EXOC2: variants seen among roughly 807,000 people sequenced by gnomAD.
The protein encoded by EXOC2 is exocyst complex component 2.
Under a neutral mutation model 131.8 loss-of-function variants are expected in EXOC2, and 70 were observed. The observed-to-expected ratio is 0.53, with a 90% CI of 0.44 to 0.65. The LOEUF is 0.65. Ranked by LOEUF, EXOC2 falls within the 30% of genes least tolerant of loss-of-function variation. The pLI, the probability that EXOC2 is intolerant of heterozygous loss-of-function variation, is 0.00. For missense variants in EXOC2, 923 were observed against 1,108.6 expected, an observed-to-expected ratio of 0.83 and a Z score of 2.38; for synonymous variants, 411 against 398.4, an observed-to-expected ratio of 1.03 and a Z score of -0.38.
intron 4 of EXOC2, among the ~76,000 whole-genome samples, chr6:625,188 C>A (rs17135931): frequency 0.24 from 35,929 of 152,116 alleles, 4,518 homozygotes; most frequent in African/African-American, 0.31. Flanking sequence ...CAAACAGGCA[C>A]GTTCTTCACA....
intron 22 of EXOC2, among the ~76,000 whole-genome samples, chr6:536,846 C>A (rs1475418803): frequency 2.0e-5 from 3 of 152,160 alleles, no homozygotes. Context: ...TTAAACAATT[C>A]TGTTCAAAAG....
intron 23 of EXOC2, among the ~76,000 whole-genome samples, chr6:500,354 G>A (rs1763972342): frequency 6.6e-6 from 1 of 152,204 alleles, no homozygotes; most frequent in South Asian, 2.1e-4. Flanking sequence ...CAAGTTCAAT[G>A]AGCCTCACTT....
intron 13 of EXOC2, among the ~76,000 whole-genome samples, chr6:565,143 G>C (rs1412232546): frequency 6.6e-6 from 1 of 152,052 alleles, no homozygotes; most frequent in Non-Finnish European, 1.5e-5. Flanking sequence ...AAACCTTTAC[G>C]TACAATTCCC....
intron 1 of EXOC2, among the ~76,000 whole-genome samples, chr6:658,674 T>TC (rs1763274350): frequency 7.3e-6 from 1 of 137,786 alleles, no homozygotes; most frequent in Non-Finnish European, 1.6e-5. Flanking sequence ...TATTTTTTTT[T>TC]TTTTTAGACG....
rs1764054355 is a variant in EXOC2 at position 501,149 on chromosome 6, ATATATATCTATATATATTATATATATC to A, written c.2381-1476_2381-1450del. ...TATATTATATATATCTATATATATT[ATATATATCTATATATATTATATATATC>A]TATATATTATATATATCTATATATA... is the stretch of plus-strand genomic sequence containing the variant. On this transcript the variant is annotated intron_variant, in intron 23 of 27. Coordinates refer to ENST00000230449, the MANE Select transcript of EXOC2 (RefSeq NM_018303.6). 1.0e-4 allele frequency among the ~76,000 whole-genome samples: 5 copies of A among 50,122 alleles called. 1 individual carries two copies. Among genetic ancestry groups the A allele is most frequent in the African/African-American group, 3.8e-4 (5 of 13,028 alleles). The allele number at this position is 50,122 out of a possible 152,430, so 32.9% of individuals were successfully genotyped here. A position where few individuals can be genotyped will look rare whatever the true frequency, so the allele number is the denominator to read the frequency against.
At chr6:648,999 C>G (rs1050000884) in intron 1 of EXOC2, among the ~76,000 whole-genome samples, 2 of 152,112 alleles carry the variant, frequency 1.3e-5, no homozygotes, top group Admixed American at 6.5e-5. Flanking sequence ...AGGCATGAGC[C>G]ACTGCACTGG....
chr6:636,495 A>G (rs532124466), intron 2 of EXOC2, among the ~76,000 whole-genome samples: 22 of 152,232 alleles, frequency 1.4e-4, no homozygotes, highest in Admixed American at 2.6e-4. Context: ...AGAATTGGCT[A>G]GGCAGTGCAA....
At chr6:493,572 C>A (rs1276438479) in intron 25 of EXOC2, among the ~76,000 whole-genome samples, 3 of 152,170 alleles carry the variant, frequency 2.0e-5, no homozygotes, top group Non-Finnish European at 4.4e-5. Flanking sequence ...CAGAAAACAT[C>A]ATGCTAAAAG....
intron 23 of EXOC2, among the ~76,000 whole-genome samples, chr6:505,487 T>C (rs900301628): frequency 3.3e-5 from 5 of 152,172 alleles, no homozygotes; most frequent in Non-Finnish European, 5.9e-5. Flanking sequence ...TTCTCCTTTG[T>C]AAAACAGAGA....
chr6:578,429 T>C (rs2127602653), intron 11 of EXOC2, among the ~76,000 whole-genome samples: 1 of 152,068 alleles, frequency 6.6e-6, no homozygotes, highest in African/African-American at 2.4e-5. Context: ...AATAGATAAA[T>C]AAACAACAAA....
intron 1 of EXOC2, among the ~76,000 whole-genome samples, chr6:665,795 G>A (rs1024149823): frequency 6.6e-6 from 1 of 151,762 alleles, no homozygotes; most frequent in Admixed American, 6.6e-5. Flanking sequence ...GGGGGAGGGG[G>A]TTGAGGAATA....
intron 6 of EXOC2, among the ~76,000 whole-genome samples, chr6:610,778 T>C (rs546312047): frequency 1.9e-4 from 29 of 152,368 alleles, no homozygotes; most frequent in Non-Finnish European, 3.1e-4. Context: ...CTCTGCTCCT[T>C]TTAGTTTCTA....
At chr6:600,332 A>G (rs892256907) in intron 7 of EXOC2, among the ~76,000 whole-genome samples, 1 of 152,252 alleles carries the variant, frequency 6.6e-6, no homozygotes. Context: ...GAGAAAAAAT[A>G]TATTTCCTTC....
chr6:568,730 C>T (rs532426192), intron 13 of EXOC2, among the ~76,000 whole-genome samples: 78 of 152,276 alleles, frequency 5.1e-4, no homozygotes, highest in African/African-American at 1.9e-3. Flanking sequence ...AAACTTTGTA[C>T]ATAGTAAGAC....
chr6:568,294 C>T (rs1758085672), intron 13 of EXOC2, among the ~76,000 whole-genome samples: 1 of 152,202 alleles, frequency 6.6e-6, no homozygotes. Flanking sequence ...AAGAGCTGAT[C>T]CTCCCATGAG....
chr6:548,168 T>C (rs903528201), intron 22 of EXOC2, among the ~76,000 whole-genome samples: 1 of 152,152 alleles, frequency 6.6e-6, no homozygotes, highest in Non-Finnish European at 1.5e-5. Flanking sequence ...AAGGCTTAAG[T>C]CACGACATTT....
At chr6:533,406 G>A (rs978513747) in intron 22 of EXOC2, among the ~76,000 whole-genome samples, 1 of 152,170 alleles carries the variant, frequency 6.6e-6, no homozygotes, top group African/African-American at 2.4e-5. Context: ...TGACACTCCA[G>A]TAACCCCAGT....
intron 12 of EXOC2, among the ~76,000 whole-genome samples, chr6:575,660 C>G (rs1758541415): frequency 6.6e-6 from 1 of 152,232 alleles, no homozygotes; most frequent in Non-Finnish European, 1.5e-5. Context: ...GCCAATAAAC[C>G]TCTTTTCTTT....
chr6:585,700 G>A (rs3799309), intron 11 of EXOC2, among the ~76,000 whole-genome samples: 17,095 of 152,044 alleles, frequency 0.11, 1,148 homozygotes, highest in Non-Finnish European at 0.15. Context: ...CTTTAAAAAA[G>A]CAGACTTAAA....
Sources: gnomAD v4.1 joint callset for allele counts (sites outside exome capture counted in the v4.1 genomes callset) on GRCh38, gnomAD v4.1.1 for gene constraint, MANE v1.5 for transcripts, NCBI Gene and HGNC (gene_info 2026-07-23, HGNC 2026-07-21) for gene names.